PTGER3: variants seen among roughly 807,000 people sequenced by gnomAD.
The protein encoded by PTGER3 is prostaglandin E2 receptor EP3 subtype.
In PTGER3, 22 loss-of-function variants were observed where a neutral mutation model predicts 34.7. The ratio of observed to expected loss-of-function variants is 0.63; its 90% CI spans 0.45 to 0.91. The LOEUF is 0.91. Among genes scored for constraint, PTGER3 ranks in the 40% least tolerant of loss-of-function variants. PTGER3 has a pLI of 0.00. For synonymous variants in PTGER3, 241 were observed against 230.1 expected (o/e 1.05, Z -0.43); for missense variants, 468 against 519.4 (o/e 0.90, Z 0.96).
At chr1:70,982,576 T>C (rs1020885113) in intron 2 of PTGER3, among the ~76,000 whole-genome samples, 1 of 152,160 alleles carries the variant, frequency 6.6e-6, no homozygotes, top group Non-Finnish European at 1.5e-5. Flanking sequence ...GTAAAATTGC[T>C]TCTTATTTTT....
At chr1:71,025,740 A>G (rs909852679) in intron 1 of PTGER3, among the ~76,000 whole-genome samples, 1 of 152,226 alleles carries the variant, frequency 6.6e-6, no homozygotes, top group African/African-American at 2.4e-5. Context: ...GCTACTGGGT[A>G]GCCCCAAGAG....
chr1:70,929,946 C>G (rs761737041), intron 4 of PTGER3, among the ~76,000 whole-genome samples: 1 of 152,164 alleles, frequency 6.6e-6, no homozygotes, highest in Non-Finnish European at 1.5e-5. Flanking sequence ...GATCTCTTAT[C>G]AGCTTAGAAA....
In PTGER3 at chr1:70,939,146, G is replaced by A. The variant is rs191352836; in HGVS notation, c.*23+14617C>T. On this transcript the variant is annotated intron_variant, in intron 4 of 4. Transcript: ENST00000370931. ...ACATTGGCCAAAACAAAGGAGTTTC[G>A]GGAACCGTGCAAGTCCAAAATCCAG... 1.6e-3 allele frequency among the ~76,000 whole-genome samples: 242 copies of A among 152,184 alleles called. 3 individuals carry two copies. The highest frequency in any genetic ancestry group is 3.4e-4 in the Non-Finnish European group (23 of 67,998).
At chr1:70,875,977 T>A (rs1159688293) in intron 4 of PTGER3, among the ~76,000 whole-genome samples, 3 of 152,156 alleles carry the variant, frequency 2.0e-5, no homozygotes, top group Non-Finnish European at 4.4e-5. Context: ...GCTGGGTTGA[T>A]TGATAATTCT....
intron 4 of PTGER3, among the ~76,000 whole-genome samples, chr1:70,873,441 A>G (rs142312454): frequency 3.3e-5 from 5 of 152,192 alleles, no homozygotes; most frequent in Non-Finnish European, 5.9e-5. Flanking sequence ...AATAGACTAC[A>G]TTTCCCTTTC....
chr1:70,915,335 A>G (rs973537193), intron 4 of PTGER3, among the ~76,000 whole-genome samples: 3 of 151,904 alleles, frequency 2.0e-5, no homozygotes, highest in African/African-American at 7.2e-5. Context: ...GAATAAATGA[A>G]TGAATGAACA....
At chr1:71,033,763 C>T (rs1659596028) in intron 1 of PTGER3, among the ~76,000 whole-genome samples, 1 of 151,868 alleles carries the variant, frequency 6.6e-6, no homozygotes, top group Admixed American at 6.6e-5. Context: ...ACAACACATT[C>T]CTTGAGGACA....
At chr1:71,044,416 T>G (rs1660577145) in intron 1 of PTGER3, among the ~76,000 whole-genome samples, 2 of 141,104 alleles carry the variant, frequency 1.4e-5, no homozygotes, top group South Asian at 2.3e-4. Context: ...CAGCCTGGAG[T>G]TTTTTTTTTT....
At chr1:70,955,892 C>T (rs564170919) in intron 2 of PTGER3, among the ~76,000 whole-genome samples, 1 of 152,178 alleles carries the variant, frequency 6.6e-6, no homozygotes, top group South Asian at 2.1e-4. Flanking sequence ...GACAACTGTC[C>T]AGATTCCAAA....
chr1:71,036,294 G>A (rs1334618072), intron 1 of PTGER3, among the ~76,000 whole-genome samples: 1 of 152,106 alleles, frequency 6.6e-6, no homozygotes, highest in Admixed American at 6.5e-5. Context: ...AAAAAACTTG[G>A]AGCAGAGTGG....
At chr1:70,901,736 A>G (rs1646843299) in intron 4 of PTGER3, among the ~76,000 whole-genome samples, 1 of 152,324 alleles carries the variant, frequency 6.6e-6, no homozygotes, top group Non-Finnish European at 1.5e-5. Context: ...GCAACTGTGT[A>G]CCTACCACAT....
At chr1:71,017,911 C>T (rs142036278) in intron 1 of PTGER3, among the ~76,000 whole-genome samples, 69 of 152,270 alleles carry the variant, frequency 4.5e-4, no homozygotes, top group African/African-American at 1.5e-3. Flanking sequence ...ATCACAGGCA[C>T]GTGCCACCAG....
downstream of PTGER3, among the ~76,000 whole-genome samples, chr1:70,952,004 G>GA (rs1215271979): frequency 2.0e-5 from 3 of 152,036 alleles, no homozygotes; most frequent in Non-Finnish European, 4.4e-5. Context: ...AGGAGGTAGG[G>GA]AAAAAAGTGG....
intron 4 of PTGER3, among the ~76,000 whole-genome samples, chr1:70,933,368 TATCATAAAAAG>T (rs1391118731): frequency 6.6e-6 from 1 of 152,198 alleles, no homozygotes; most frequent in Non-Finnish European, 1.5e-5. Flanking sequence ...TCCTCCACCC[TATCATAAAAAG>T]ATCATAAAAA....
chr1:70,899,341 A>G (rs972867210), intron 4 of PTGER3, among the ~76,000 whole-genome samples: 4 of 152,158 alleles, frequency 2.6e-5, no homozygotes, highest in African/African-American at 9.6e-5. Context: ...CTTGTGGTGC[A>G]TATATATAAT....
chr1:71,024,487 T>G (rs991620093), intron 1 of PTGER3, among the ~76,000 whole-genome samples: 1 of 152,132 alleles, frequency 6.6e-6, no homozygotes, highest in African/African-American at 2.4e-5. Context: ...ATTCTAGGTA[T>G]ATCACAGCAA....
At chr1:70,875,142 T>C (rs1322708178) in intron 4 of PTGER3, among the ~76,000 whole-genome samples, 3 of 152,236 alleles carry the variant, frequency 2.0e-5, no homozygotes, top group Non-Finnish European at 2.9e-5. Flanking sequence ...CAAAAAGTCC[T>C]TGGAGACTGA....
chr1:70,909,161 C>T (rs913518014), intron 4 of PTGER3, among the ~76,000 whole-genome samples: 1 of 152,114 alleles, frequency 6.6e-6, no homozygotes, highest in African/African-American at 2.4e-5. Context: ...ATAAATAAAG[C>T]TTATGTACTA....
intron 1 of PTGER3, among the ~76,000 whole-genome samples, chr1:71,044,296 G>T (rs1660564385): frequency 6.6e-6 from 1 of 151,438 alleles, no homozygotes; most frequent in Non-Finnish European, 1.5e-5. Context: ...AATTAGCCAG[G>T]TGTGGTGGCG....
Sources: allele counts gnomAD v4.1 joint callset (sites outside exome capture counted in the v4.1 genomes callset), GRCh38; gene constraint gnomAD v4.1.1; transcripts MANE v1.5; gene names NCBI Gene and HGNC (gene_info 2026-07-23, HGNC 2026-07-21).